The following RYR2 variants were observed in gnomAD, a reference collection of about 807,000 sequenced individuals.
RYR2 encodes cardiac muscle ryanodine receptor-calcium release channel.
Under a neutral mutation model 601.1 loss-of-function variants are expected in RYR2, and 227 were observed. The ratio of observed to expected loss-of-function variants is 0.38; its 90% CI spans 0.34 to 0.42. The LOEUF is 0.42. RYR2 is among the 10% of genes least tolerant of loss of function. The pLI is 1.00. For synonymous variants in RYR2, 2,223 were observed against 2,175.1 expected (o/e 1.02, Z -0.61); for missense variants, 4,646 against 6,156.5 (o/e 0.75, Z 8.21).
intron 17 of RYR2, among the ~76,000 whole-genome samples, chr1:237,489,441 G>A (rs1436254837): frequency 6.6e-6 from 1 of 152,164 alleles, no homozygotes; most frequent in East Asian, 1.9e-4. Context: ...CGGATCGCCT[G>A]AGATCAGGAG....
intron 89 of RYR2, 119 bp from the exon 90 acceptor site, chr1:237,783,556 A>G (rs1200292263): frequency 4.8e-6 from 3 of 630,816 alleles, no homozygotes; most frequent in Non-Finnish European, 8.4e-6. Context: ...TTATAGAGTG[A>G]GAGATAAACA....
At chr1:237,240,431 A>G (rs1309649419) in intron 1 of RYR2, among the ~76,000 whole-genome samples, 2 of 152,138 alleles carry the variant, frequency 1.3e-5, no homozygotes, top group East Asian at 3.8e-4. Flanking sequence ...GCTTAAGTAG[A>G]AAAACAAAGG....
chr1:237,051,029 A>G (rs1323132665), intron 1 of RYR2, among the ~76,000 whole-genome samples: 2 of 152,188 alleles, frequency 1.3e-5, no homozygotes, highest in African/African-American at 4.8e-5. Context: ...TTTTTCACCA[A>G]TTTTGACTGT....
intron 1 of RYR2, among the ~76,000 whole-genome samples, chr1:237,195,623 A>G (rs764553095): frequency 1.3e-5 from 2 of 152,218 alleles, no homozygotes; most frequent in African/African-American, 2.4e-5. Context: ...CCTTTAGCAC[A>G]TATGTATGCA....
chr1:237,402,998 TG>T (rs777765236), intron 10 of RYR2, among the ~76,000 whole-genome samples: 25 of 148,216 alleles, frequency 1.7e-4, no homozygotes, highest in Admixed American at 3.4e-4. Context: ...CTATCCTACA[TG>T]CATGTAATTG....
chr1:237,117,271 C>A (rs1353044216), intron 1 of RYR2, among the ~76,000 whole-genome samples: 1 of 151,830 alleles, frequency 6.6e-6, no homozygotes, highest in Non-Finnish European at 1.5e-5. Context: ...GGATGGGGGA[C>A]ATGGTGGGAG....
chr1:237,673,211 CAT>C (rs1466405283), intron 58 of RYR2, among the ~76,000 whole-genome samples: 4 of 152,168 alleles, frequency 2.6e-5, no homozygotes, highest in South Asian at 2.1e-4. Flanking sequence ...TATTACCACA[CAT>C]GTTTTACGAA....
At chr1:237,135,327 C>A (rs926294498) in intron 1 of RYR2, among the ~76,000 whole-genome samples, 1 of 150,756 alleles carries the variant, frequency 6.6e-6, no homozygotes, top group African/African-American at 2.4e-5. Flanking sequence ...GCTACAGATT[C>A]TAAAATCACA....
At chr1:237,395,519 G>A (rs115179216) in intron 10 of RYR2, among the ~76,000 whole-genome samples, 5,450 of 146,944 alleles carry the variant, frequency 0.037, 134 homozygotes, top group African/African-American at 0.069. Context: ...GGACACGTCC[G>A]CTAGTAGGAC....
chr1:237,659,123 G>A lies in RYR2; in HGVS notation c.8209-862G>A, dbSNP rs149817510. On this transcript the variant is annotated intron_variant, in intron 54 of 104. Transcript: ENST00000366574. ...TGCTTCCAGAGGATGTGTATGCTAC[G>A]TAACAAATAAAGATCATCATGCTGG... Among the ~76,000 whole-genome samples, 451 of 152,286 alleles carry A rather than the reference G, an allele frequency of 3.0e-3. 2 individuals carry two copies. The highest frequency in any genetic ancestry group is 5.2e-3 in the Non-Finnish European group (355 of 68,022).
intron 88 of RYR2, among the ~76,000 whole-genome samples, chr1:237,780,594 G>C (rs1695021995): frequency 6.6e-6 from 1 of 152,150 alleles, no homozygotes; most frequent in Non-Finnish European, 1.5e-5. Context: ...AGGGACTATA[G>C]CTAAGCGTAG....
At chr1:237,176,926 G>A (rs1678121889) in intron 1 of RYR2, among the ~76,000 whole-genome samples, 1 of 152,182 alleles carries the variant, frequency 6.6e-6, no homozygotes, top group Non-Finnish European at 1.5e-5. Context: ...TTAATATTGG[G>A]AAGAGATTAG....
chr1:237,790,824 A>C (rs933996060), intron 92 of RYR2, among the ~76,000 whole-genome samples: 15 of 152,046 alleles, frequency 9.9e-5, no homozygotes, highest in Non-Finnish European at 2.2e-4. Context: ...TGTAAACTGA[A>C]CCACCACACT....
At chr1:237,832,526 T>A in intron 104 of RYR2, 26 bp from the exon 105 acceptor site, 1 of 1,486,278 alleles carries the variant, frequency 6.7e-7, no homozygotes, top group South Asian at 1.1e-5. Flanking sequence ...GGGGAAAATG[T>A]TAATACATTT....
chr1:237,362,299 A>G lies in RYR2; in HGVS notation c.295-2059A>G, dbSNP rs148691148. On this transcript the variant is annotated intron_variant, in intron 4 of 104. Transcript: ENST00000366574. ...CTGCGTGCCTGTCCTATAATTGCCC[A>G]TATAGTCATCCCTTACTCTATTTTG... is the stretch of plus-strand genomic sequence containing the variant. Among the ~76,000 whole-genome samples, 1,396 of 152,298 alleles carry G rather than the reference A, an allele frequency of 9.2e-3. 20 individuals are homozygous for G. Among genetic ancestry groups the G allele is most frequent in the African/African-American group, 0.032 (1,321 of 41,574 alleles).
intron 82 of RYR2, 98 bp from the exon 83 acceptor site, chr1:237,759,678 G>C: frequency 1.3e-6 from 1 of 784,258 alleles, no homozygotes; most frequent in Admixed American, 1.8e-5. Flanking sequence ...AATATTTTCT[G>C]TCTATTCTAG....
chr1:237,358,894 C>T (rs1206175094), intron 4 of RYR2, among the ~76,000 whole-genome samples: 2 of 152,112 alleles, frequency 1.3e-5, no homozygotes, highest in African/African-American at 2.4e-5. Context: ...CACTTCTCTC[C>T]AAGAAACCAT....
intron 29 of RYR2, among the ~76,000 whole-genome samples, chr1:237,583,075 G>C (rs1299229904): frequency 6.6e-6 from 1 of 152,010 alleles, no homozygotes; most frequent in Non-Finnish European, 1.5e-5. Context: ...TTTCTCCACA[G>C]CCTCGTCAGC....
At chr1:237,518,152 A>G (rs955180874) in intron 24 of RYR2, among the ~76,000 whole-genome samples, 26 of 152,182 alleles carry the variant, frequency 1.7e-4, no homozygotes, top group African/African-American at 6.3e-4. Context: ...TTGCCACCCT[A>G]TGCTAACCTA....
Sources: allele counts gnomAD v4.1 joint callset (sites outside exome capture counted in the v4.1 genomes callset), GRCh38; gene constraint gnomAD v4.1.1; transcripts MANE v1.5; gene names NCBI Gene and HGNC (gene_info 2026-07-23, HGNC 2026-07-21).